Variants in B3GNT5 observed in about 807,000 individuals in gnomAD.
B3GNT5 encodes the protein UDP-GlcNAc:betaGal beta-1,3-N-acetylglucosaminyltransferase 5, also known as lactosylceramide 1,3-N-acetyl-beta-D-glucosaminyltransferase.
Under a neutral mutation model 25.9 loss-of-function variants are expected in B3GNT5, and 11 were observed. The ratio of observed to expected loss-of-function variants is 0.42; its 90% CI spans 0.27 to 0.70. The LOEUF (loss-of-function observed/expected upper bound fraction) is 0.70. Ranked by LOEUF, B3GNT5 falls within the 30% of genes least tolerant of loss-of-function variation. The pLI is 0.23. For synonymous variants in B3GNT5, 166 were observed against 158.6 expected, an observed-to-expected ratio of 1.05 and a Z score of -0.35; for missense variants, 385 against 458.4, an observed-to-expected ratio of 0.84 and a Z score of 1.46.
chr3:183,267,251 C>T lies in B3GNT5; in HGVS notation c.-301-2247C>T, dbSNP rs1056779699. Among the ~76,000 whole-genome samples the T allele has an allele frequency of 6.6e-6, 1 of 152,118 alleles. No individual in the cohort carries two copies. The highest frequency in any genetic ancestry group is 2.1e-4 in the South Asian group (1 of 4,834). On this transcript the variant is annotated intron_variant, in intron 1 of 1. Coordinates refer to ENST00000326505, the MANE Select transcript of B3GNT5 (RefSeq NM_032047.5). This position sits in a 1 kb window ranked among gnomAD's most constrained non-coding sequence, Gnocchi z 5.5. ...GCTGGTTGTGGCTTCCTAAGTGGTG[C>T]GTGCAGTTTTCAAATCAATGCCCTT...
At chr3:183,255,324 A>G (rs1434249454) in intron 1 of B3GNT5, among the ~76,000 whole-genome samples, 1 of 152,226 alleles carries the variant, frequency 6.6e-6, no homozygotes, top group East Asian at 1.9e-4. Flanking sequence ...AAATAAATTT[A>G]TGGTAGATTT....
chr3:183,254,367 C>G (rs1255776157), intron 1 of B3GNT5: 1 of 152,028 alleles, frequency 6.6e-6, no homozygotes, highest in African/African-American at 2.4e-5. Flanking sequence ...CCACCGCGGG[C>G]CCCGGCAGCC....
At chr3:183,263,976 G>A (rs961780627) in intron 1 of B3GNT5, among the ~76,000 whole-genome samples, 1 of 152,050 alleles carries the variant, frequency 6.6e-6, no homozygotes, top group South Asian at 2.1e-4. Context: ...GCATCAGTGT[G>A]AGCCCTTGAG....
Position 183,270,074 on chromosome 3 carries a change from G to C in B3GNT5, c.276G>C (p.Leu92=), listed in dbSNP as rs1484864447. Residue 92 remains leucine, a synonymous_variant, in exon 2 of 2, where the codon CTG becomes CTC. Transcript: ENST00000326505. The surrounding 1 kb of genome is among the most constrained non-coding windows in gnomAD (Gnocchi z 4.5). ...AAGCTCAAGACGTCCTCCTTTTACTGTTTGTAAAAACTGCTCCTGAAAACT... is the reference window on the plus strand; with the variant it reads ...AAGCTCAAGACGTCCTCCTTTTACTCTTTGTAAAAACTGCTCCTGAAAACT... ...KCQAQDVLLL[L]FVKTAPENYD... is the part of the protein sequence containing the mutation. 4 of 1,614,018 alleles carry C rather than the reference G, an allele frequency of 2.5e-6. No homozygotes were observed. In the African/African-American group the frequency reaches 4.0e-5, roughly 16 times the overall value.
At chr3:183,263,831 T>C (rs1206013630) in intron 1 of B3GNT5, among the ~76,000 whole-genome samples, 5 of 152,170 alleles carry the variant, frequency 3.3e-5, no homozygotes, top group Non-Finnish European at 7.3e-5. Context: ...ACTTCTCTTC[T>C]TCCTCCTTTA....
chr3:183,259,907 G>T (rs957128463), intron 1 of B3GNT5, among the ~76,000 whole-genome samples: 1 of 152,146 alleles, frequency 6.6e-6, no homozygotes, highest in African/African-American at 2.4e-5. Flanking sequence ...AAGGAAGTAA[G>T]AACAGTGCTA....
rs185130868 is a variant in B3GNT5, at chr3:183,270,951, G to C, written c.*16G>C. 1.3e-6 allele frequency: 2 copies of C among 1,537,274 alleles called. No individual in the cohort carries two copies. Among genetic ancestry groups the C allele is most frequent in the Non-Finnish European group, 1.7e-6 (2 of 1,145,616 alleles). On this transcript the variant is annotated 3_prime_UTR_variant, in exon 2 of 2. Coordinates refer to ENST00000326505, the MANE Select transcript of B3GNT5 (RefSeq NM_032047.5). This position sits in a 1 kb window ranked among gnomAD's most constrained non-coding sequence, Gnocchi z 4.5. ...GTTTATCTAATAGTACTTGAATGTT[G>C]TATGTTTTCACTGTCACTGAGTCAA...
chr3:183,272,522 A>AT lies in B3GNT5; in HGVS notation c.*1594dup. ...CTTTTTAATGTTTACAGAAATTTTA[A>AT]TTTTTTTCTATTTTGAAATTTGAGG... On this transcript the variant is annotated 3_prime_UTR_variant, in exon 2 of 2. Transcript: ENST00000326505. 3 of 993,960 alleles carry AT rather than the reference A, an allele frequency of 3.0e-6. No individual in the cohort carries two copies. The highest frequency in any genetic ancestry group is 3.6e-6 in the Non-Finnish European group (3 of 824,608). 61.6% of individuals were successfully genotyped at this position (993,960 alleles called of 1,614,324 possible).
At position 183,272,610 on chromosome 3, in the gene B3GNT5, A is replaced by G; in HGVS notation, c.*1675A>G. 1.0e-6 allele frequency: 1 copy of G among 998,568 alleles called. No homozygotes were observed. The highest frequency in any genetic ancestry group is 1.2e-6 in the Non-Finnish European group (1 of 828,380). 61.9% of individuals were successfully genotyped at this position (998,568 alleles called of 1,614,324 possible). A position where few individuals can be genotyped will look rare whatever the true frequency, so the allele number is the denominator to read the frequency against. ...TAATGTCAAAACTACAGTGTCAAACATTCTAGGTTGTAGTTACTTTCAGAG... is the reference window on the plus strand; with the variant it reads ...TAATGTCAAAACTACAGTGTCAAACGTTCTAGGTTGTAGTTACTTTCAGAG... On this transcript the variant is annotated 3_prime_UTR_variant, in exon 2 of 2. Coordinates refer to ENST00000326505, the MANE Select transcript of B3GNT5 (RefSeq NM_032047.5).
chr3:183,262,156 G>T (rs12631739), intron 1 of B3GNT5, among the ~76,000 whole-genome samples: 2 of 109,640 alleles, frequency 1.8e-5, no homozygotes, highest in Admixed American at 7.9e-5. Flanking sequence ...TACACTAAGG[G>T]TTAGTCTTGT....
chr3:183,262,648 G>A (rs1319077295), intron 1 of B3GNT5, among the ~76,000 whole-genome samples: 1 of 151,616 alleles, frequency 6.6e-6, no homozygotes, highest in Non-Finnish European at 1.5e-5. Flanking sequence ...AGAAGGGGAG[G>A]AGGAGCTGAT....
chr3:183,270,922 C>T lies in B3GNT5; in HGVS notation c.1124C>T (p.Ala375Val). ...ISYVDTYPCR[A>V]AFI ...TATGTGGACACATACCCTTGTAGGG[C>T]TGCGTTTATCTAATAGTACTTGAAT... Residue 375 changes from alanine (A) to valine (V), a missense_variant, in exon 2 of 2, where the codon GCT (alanine) becomes GTT (valine). Physicochemically the swap from Ala to Val is moderately conservative, Grantham distance 64. Transcript: ENST00000326505. The surrounding 1 kb of genome is among the most constrained non-coding windows in gnomAD (Gnocchi z 4.5). The T allele has an allele frequency of 6.3e-7, 1 of 1,574,824 alleles. No individual in the cohort carries two copies. Among genetic ancestry groups the T allele is most frequent in the South Asian group, 1.2e-5 (1 of 83,556 alleles).
rs559683156 is a variant in B3GNT5 at position 183,260,672 on chromosome 3, C to A, written c.-302+7200C>A. 3.0e-3 allele frequency among the ~76,000 whole-genome samples: 259 copies of A among 85,988 alleles called. 1 individual carries two copies. The highest frequency in any genetic ancestry group is 2.7e-3 in the Non-Finnish European group (102 of 38,444). The allele number at this position is 85,988 out of a possible 152,430, so 56.4% of individuals were successfully genotyped here. ...CATTTGAAATTCCCCGTCTTTACTTCCCCCATAACCAGGAAACAGATCTAC... is the reference window on the plus strand; with the variant it reads ...CATTTGAAATTCCCCGTCTTTACTTACCCCATAACCAGGAAACAGATCTAC... On this transcript the variant is annotated intron_variant, in intron 1 of 1. Transcript: ENST00000326505.
Position 183,267,213 on chromosome 3 carries a change from T to TAAA in B3GNT5, c.-301-2276_-301-2274dup, listed in dbSNP as rs3076576. ...TACTACTCTCAGTACACTCTGTATT[T>TAAA]AAAAAAAAAAATGCTGGTTGTGGCT... On this transcript the variant is annotated intron_variant, in intron 1 of 1. Coordinates refer to ENST00000326505, the MANE Select transcript of B3GNT5 (RefSeq NM_032047.5). The surrounding 1 kb of genome is among the most constrained non-coding windows in gnomAD (Gnocchi z 5.5). 1.3e-5 allele frequency among the ~76,000 whole-genome samples: 2 copies of TAAA among 149,156 alleles called. No homozygotes were observed. Among genetic ancestry groups the TAAA allele is most frequent in the African/African-American group, 2.4e-5 (1 of 40,918 alleles).
intron 1 of B3GNT5, among the ~76,000 whole-genome samples, chr3:183,255,472 C>T (rs1235995482): frequency 6.6e-6 from 1 of 152,200 alleles, no homozygotes; most frequent in Non-Finnish European, 1.5e-5. Flanking sequence ...TCCTTATCCT[C>T]CCGCACACGC....
Position 183,272,708 on chromosome 3 carries a change from A to G in B3GNT5, c.*1773A>G, listed in dbSNP as rs950472789. On this transcript the variant is annotated 3_prime_UTR_variant, in exon 2 of 2. Coordinates refer to ENST00000326505, the MANE Select transcript of B3GNT5 (RefSeq NM_032047.5). ...AAAAAAACATAGAGAACAAAAGCAT[A>G]TTTGACCAAGCAACAAGCTTATAAT... 18 of 1,018,710 alleles carry G rather than the reference A, an allele frequency of 1.8e-5. No individual in the cohort carries two copies. Among genetic ancestry groups the G allele is most frequent in the Non-Finnish European group, 2.1e-5 (18 of 842,082 alleles). The allele number at this position is 1,018,710 out of a possible 1,614,324, so 63.1% of individuals were successfully genotyped here. A position where few individuals can be genotyped will look rare whatever the true frequency, so the allele number is the denominator to read the frequency against.
chr3:183,258,734 CT>C (rs75257179), intron 1 of B3GNT5, among the ~76,000 whole-genome samples: 2 of 151,282 alleles, frequency 1.3e-5, no homozygotes, highest in Non-Finnish European at 1.5e-5. Flanking sequence ...CCCATGTACT[CT>C]TTTTTTTTAT....
Position 183,270,089 on chromosome 3 carries a change from T to C in B3GNT5, c.291T>C (p.Ala97=). The C allele has an allele frequency of 6.2e-7, 1 of 1,614,162 alleles. No homozygotes were observed. Among genetic ancestry groups the C allele is most frequent in the Non-Finnish European group, 8.5e-7 (1 of 1,180,050 alleles). The change falls in exon 2 of 2, where the codon GCT becomes GCC. Residue 97 remains alanine, a synonymous_variant. Coordinates refer to ENST00000326505, the MANE Select transcript of B3GNT5 (RefSeq NM_032047.5). This position sits in a 1 kb window ranked among gnomAD's most constrained non-coding sequence, Gnocchi z 4.5. ...DVLLLLFVKT[A]PENYDRRSGI... The stretch of plus-strand genomic sequence containing the variant: ...TCCTTTTACTGTTTGTAAAAACTGC[T>C]CCTGAAAACTATGATCGACGTTCCG...
In B3GNT5 at chr3:183,261,292, C is replaced by G. The variant is rs1198174874; in HGVS notation, c.-302+7820C>G. Among the ~76,000 whole-genome samples, 4 of 152,058 alleles carry G rather than the reference C, an allele frequency of 2.6e-5. No individual in the cohort carries two copies. In the East Asian group the frequency reaches 7.7e-4, roughly 29 times the overall value. The stretch of plus-strand genomic sequence containing the variant: ...GGCAGTTTGGCTTCTGAAGATTGGT[C>G]CTAGCTATACTTAACAGGAAACAGA... On this transcript the variant is annotated intron_variant, in intron 1 of 1. Transcript: ENST00000326505.
Sources: allele counts gnomAD v4.1 joint callset (sites outside exome capture counted in the v4.1 genomes callset), GRCh38; gene constraint gnomAD v4.1.1; non-coding constraint Gnocchi (gnomAD v3.1); transcripts MANE v1.5; gene names NCBI Gene and HGNC (gene_info 2026-07-23, HGNC 2026-07-21).